Variants in TRNAU1AP observed in about 807,000 individuals in gnomAD.
TRNAU1AP encodes the protein tRNA selenocysteine 1 associated protein 1, also known as tRNA selenocysteine 1-associated protein 1.
Under a neutral mutation model 43.3 loss-of-function variants are expected in TRNAU1AP, and 33 were observed. The ratio of observed to expected loss-of-function variants is 0.76; its 90% CI spans 0.58 to 1.02. TRNAU1AP has a LOEUF of 1.02. Ranked by LOEUF, TRNAU1AP falls within the 50% of genes least tolerant of loss-of-function variation. The pLI, the probability that TRNAU1AP is intolerant of heterozygous loss-of-function variation, is 0.00. For missense variants in TRNAU1AP, 290 were observed against 362.7 expected, an observed-to-expected ratio of 0.80 and a Z score of 1.63; for synonymous variants, 143 against 129.1, an observed-to-expected ratio of 1.11 and a Z score of -0.73.
chr1:28,564,700 C>G lies in TRNAU1AP; in HGVS notation c.279-3C>G. ...TCTGAATCTTCTTGTTCTCTCTCCT[C>G]AGCCCTGAGTATTCCCTCTTTGTGG... is the stretch of plus-strand genomic sequence containing the variant. On this transcript the variant is annotated splice_region_variant and splice_polypyrimidine_tract_variant and intron_variant, in intron 4 of 8. Coordinates refer to ENST00000373830, the MANE Select transcript of TRNAU1AP (RefSeq NM_017846.5). 6.2e-7 allele frequency: 1 copy of G among 1,612,410 alleles called. No individual in the cohort carries two copies. The highest frequency in any genetic ancestry group is 8.5e-7 in the Non-Finnish European group (1 of 1,179,316).
chr1:28,562,002 GGGCTACAATGATCAA>G (rs1408178684), intron 4 of TRNAU1AP, among the ~76,000 whole-genome samples: 1 of 152,110 alleles, frequency 6.6e-6, no homozygotes, highest in Non-Finnish European at 1.5e-5. Context: ...AGCCCAGGGA[GGGCTACAATGATCAA>G]GGCTACTGTG....
intron 2 of TRNAU1AP, 71 bp downstream of exon 2, chr1:28,553,808 A>G (rs540382101): frequency 8.8e-6 from 12 of 1,366,408 alleles, no homozygotes; most frequent in South Asian, 2.4e-5. Flanking sequence ...TAAACATCGT[A>G]GTCATGGCTT....
chr1:28,577,414 AAC>A (rs1215273812), intron 8 of TRNAU1AP, 84 bp from the exon 9 acceptor site: 1 of 1,485,962 alleles, frequency 6.7e-7, no homozygotes, highest in Non-Finnish European at 9.2e-7. Context: ...CTTACCATAG[AAC>A]AGAGTTCTGG....
At chr1:28,560,202 G>A (rs945775501) in intron 2 of TRNAU1AP, among the ~76,000 whole-genome samples, 2 of 151,876 alleles carry the variant, frequency 1.3e-5, no homozygotes, top group Non-Finnish European at 2.9e-5. Flanking sequence ...CTGGGGTATG[G>A]CAGGGAACAA....
At chr1:28,553,162 T>G (rs1173680086) in intron 1 of TRNAU1AP, 25 bp downstream of exon 1, 2 of 1,491,758 alleles carry the variant, frequency 1.3e-6, no homozygotes, top group South Asian at 2.6e-5. Flanking sequence ...CCGTCCGGGG[T>G]CTGAAGACAA....
At chr1:28,567,449 T>G in intron 6 of TRNAU1AP, 36 bp downstream of exon 6, 1 of 1,566,836 alleles carries the variant, frequency 6.4e-7, no homozygotes, top group Non-Finnish European at 8.6e-7. Flanking sequence ...GACTCTAGAC[T>G]CCCCTCCAGA....
chr1:28,571,387 T>TAGAGG, intron 7 of TRNAU1AP, 49 bp downstream of exon 7: 3 of 1,575,192 alleles, frequency 1.9e-6, no homozygotes, highest in South Asian at 1.1e-5. Flanking sequence ...GTTTCTCCTC[T>TAGAGG]AGAAACAGGT....
chr1:28,567,258 C>T (rs1008616263), intron 5 of TRNAU1AP, 36 bp from the exon 6 acceptor site: 7 of 1,607,492 alleles, frequency 4.4e-6, no homozygotes, highest in Non-Finnish European at 5.9e-6. Flanking sequence ...ACTTTAATCA[C>T]ATTTGTGATC....
chr1:28,571,281 C>G lies in TRNAU1AP; in HGVS notation c.636C>G (p.Asn212Lys), dbSNP rs1359230414. ...ATGCTCAGTGGGGCTATGACCAGAA[C>G]ACAGGCAGCTACAGCTACAGTTACC... ...NYYAQWGYDQ[N>K]TGSYSYSYPQ... Residue 212 changes from asparagine to lysine, a missense_variant, in exon 7 of 9, where the codon AAC (asparagine) becomes AAG (lysine). Asn to Lys is a moderately conservative substitution (Grantham distance 94). This residue lies in a region of TRNAU1AP where 174 missense variants were observed against 262.1 expected (regional missense o/e 0.66). Transcript: ENST00000373830. 2 of 1,613,912 alleles carry G rather than the reference C, an allele frequency of 1.2e-6. No homozygotes were observed. Among genetic ancestry groups the G allele is most frequent in the Non-Finnish European group, 1.7e-6 (2 of 1,179,958 alleles).
At chr1:28,560,753 A>G (rs1665387937) in intron 3 of TRNAU1AP, 21 bp downstream of exon 3, 1 of 1,563,556 alleles carries the variant, frequency 6.4e-7, no homozygotes, top group South Asian at 1.1e-5. Context: ...TTAGATAATG[A>G]TGATGTTGCC....
chr1:28,561,508 C>T (rs779053308), intron 4 of TRNAU1AP, 110 bp downstream of exon 4: 32 of 1,188,632 alleles, frequency 2.7e-5, no homozygotes, highest in South Asian at 7.6e-5. Flanking sequence ...TCCTGAAGGA[C>T]GACGCTCTTC....
chr1:28,554,687 A>C (rs1045303178), intron 2 of TRNAU1AP, among the ~76,000 whole-genome samples: 1 of 151,374 alleles, frequency 6.6e-6, no homozygotes, highest in African/African-American at 2.4e-5. Context: ...CTAAAAATAC[A>C]AAAAAAATTA....
intron 2 of TRNAU1AP, among the ~76,000 whole-genome samples, chr1:28,559,021 A>C (rs1665344940): frequency 6.6e-6 from 1 of 152,136 alleles, no homozygotes; most frequent in Admixed American, 6.6e-5. Flanking sequence ...ATTATAATTC[A>C]ATCCAGGAAC....
At chr1:28,570,938 A>T (rs1001084983) in intron 6 of TRNAU1AP, among the ~76,000 whole-genome samples, 3 of 151,884 alleles carry the variant, frequency 2.0e-5, no homozygotes, top group African/African-American at 7.3e-5. Context: ...GGTGGCACAC[A>T]CCTGTAGTCC....
rs1258019074 is a variant in TRNAU1AP at position 28,578,111 on chromosome 1, A to C, written c.*475A>C. 1.3e-5 allele frequency: 2 copies of C among 159,376 alleles called. No homozygotes were observed. Among genetic ancestry groups the C allele is most frequent in the Non-Finnish European group, 1.4e-5 (1 of 72,548 alleles). 9.9% of individuals were successfully genotyped at this position (159,376 alleles called of 1,614,324 possible). ...GGTAGGAGCACGCCCCAGAAGGTAG[A>C]ATGTGGTGGGGTGTGATGGAACAGG... On this transcript the variant is annotated 3_prime_UTR_variant, in exon 9 of 9. Coordinates refer to ENST00000373830, the MANE Select transcript of TRNAU1AP (RefSeq NM_017846.5).
At chr1:28,563,697 A>AG (rs2124199168) in intron 4 of TRNAU1AP, among the ~76,000 whole-genome samples, 1 of 151,758 alleles carries the variant, frequency 6.6e-6, no homozygotes, top group Non-Finnish European at 1.5e-5. Flanking sequence ...AAAAAAAAAA[A>AG]GGAAATTAGC....
intron 7 of TRNAU1AP, 81 bp from the exon 8 acceptor site, chr1:28,571,786 A>AAAAAAAAAAAAAAAATAAAAAAATAAAAT (rs1461184844): frequency 1.0e-6 from 1 of 979,484 alleles, no homozygotes; most frequent in Admixed American, 2.2e-5. Context: ...CCACCTCAAA[A>AAAAAAAAAAAAAAAATAAAAAAATAAAAT]AAAATAAAAA....
intron 8 of TRNAU1AP, 23 bp downstream of exon 8, chr1:28,571,923 C>A (rs760067621): frequency 8.7e-6 from 14 of 1,606,256 alleles, no homozygotes; most frequent in Non-Finnish European, 1.1e-5. Context: ...ACGTTCCTTA[C>A]TCTGTCAGCC....
chr1:28,553,787 G>T (rs774002510), intron 2 of TRNAU1AP, 50 bp downstream of exon 2: 2 of 1,491,728 alleles, frequency 1.3e-6, no homozygotes, highest in South Asian at 1.1e-5. Flanking sequence ...CAGCTGTCAT[G>T]TACGAGAATG....
Sources: allele counts gnomAD v4.1 joint callset (sites outside exome capture counted in the v4.1 genomes callset), GRCh38; gene constraint gnomAD v4.1.1; regional missense constraint gnomAD v4.1.1; transcripts MANE v1.5; gene names NCBI Gene and HGNC (gene_info 2026-07-23, HGNC 2026-07-21).